PRKCZ: variants seen among roughly 807,000 people sequenced by gnomAD.
PRKCZ encodes the protein protein kinase C zeta type.
PRKCZ carries 33 observed loss-of-function variants against 79.5 expected under a neutral mutation model. The observed-to-expected ratio is 0.41, with a 90% CI of 0.31 to 0.55. PRKCZ has a LOEUF of 0.55. Ranked by LOEUF, PRKCZ falls within the 20% of genes least tolerant of loss-of-function variation. The pLI, the probability that PRKCZ is intolerant of heterozygous loss-of-function variation, is 0.19. For synonymous variants in PRKCZ, 342 were observed against 320.9 expected (o/e 1.07, Z -0.70); for missense variants, 578 against 813.5 (o/e 0.71, Z 3.52).
At chr1:2,144,461 C>T (rs1288188795) in intron 6 of PRKCZ, 120 bp downstream of exon 6, 3 of 1,478,706 alleles carry the variant, frequency 2.0e-6, no homozygotes, top group Non-Finnish European at 2.7e-6. Flanking sequence ...GTGGTGCCGT[C>T]CTAGCTCTGG....
intron 4 of PRKCZ, among the ~76,000 whole-genome samples, chr1:2,119,220 T>C (rs1571535494): frequency 6.7e-6 from 1 of 148,374 alleles, no homozygotes; most frequent in Non-Finnish European, 1.5e-5. Flanking sequence ...TTCCTTTTTT[T>C]TTTTTTTTTT....
rs570209860 is a variant in PRKCZ, at chr1:2,135,609, A to ATCAGGGC, written c.420+273_420+279dup. On this transcript the variant is annotated intron_variant, in intron 5 of 17. Transcript: ENST00000378567. ...GTGTCTGCCTGGCTGTGTGACTCTT[A>ATCAGGGC]TCAGGGCTCAGGGCTCACTGGCCTG... is the stretch of plus-strand genomic sequence containing the variant. 1.6e-4 allele frequency among the ~76,000 whole-genome samples: 25 copies of ATCAGGGC among 152,326 alleles called. 1 individual carries two copies. In the South Asian group the frequency reaches 4.3e-3, roughly 26 times the overall value.
In PRKCZ at chr1:2,090,575, G is replaced by A. The variant is rs539545920; in HGVS notation, c.334+30984G>A. 2.0e-5 allele frequency among the ~76,000 whole-genome samples: 3 copies of A among 152,306 alleles called. No homozygotes were observed. The South Asian group carries it at 6.2e-4, about 32-fold the overall frequency. Reference sequence around the variant, plus strand: ...GTCCCTGGGGTCAGAGCCCACCCTGGGCTGGTTTTGAAGAAACACCAGTGC... The same window carrying A: ...GTCCCTGGGGTCAGAGCCCACCCTGAGCTGGTTTTGAAGAAACACCAGTGC... On this transcript the variant is annotated intron_variant, in intron 4 of 17. Transcript: ENST00000378567.
rs556307341 is a variant in PRKCZ, at chr1:2,082,899, G to A, written c.334+23308G>A. 6.6e-6 allele frequency among the ~76,000 whole-genome samples: 1 copy of A among 151,008 alleles called. No homozygotes were observed. Among genetic ancestry groups the A allele is most frequent in the East Asian group, 2.0e-4 (1 of 5,108 alleles). ...GAGGGTGCAAGGGAGAGGGTGGAGA[G>A]GGTGGCAGTGAGGGCGCGAGAGGGT... On this transcript the variant is annotated intron_variant, in intron 4 of 17. Transcript: ENST00000378567. This position sits in a 1 kb window ranked among gnomAD's most constrained non-coding sequence, Gnocchi z 4.4.
At chr1:2,055,310 GT>G in intron 1 of PRKCZ, 130 bp from the exon 2 acceptor site, 2 of 1,120,018 alleles carry the variant, frequency 1.8e-6, no homozygotes, top group Non-Finnish European at 2.5e-6. Context: ...GGGGGAGGGG[GT>G]GGGGCTGTCA....
At chr1:2,090,980 A>AT (rs1665397184) in intron 4 of PRKCZ, among the ~76,000 whole-genome samples, 1 of 152,232 alleles carries the variant, frequency 6.6e-6, no homozygotes, top group Admixed American at 6.5e-5. Flanking sequence ...CACATGTACC[A>AT]TCATATAGAT....
At chr1:2,129,398 G>C (rs572865502) in intron 4 of PRKCZ, among the ~76,000 whole-genome samples, 174 of 152,310 alleles carry the variant, frequency 1.1e-3, no homozygotes, top group South Asian at 5.0e-3. Flanking sequence ...CAGAAAGCAC[G>C]GTCAGAAAGT....
chr1:2,066,018 G>A (rs1236889375), intron 4 of PRKCZ, among the ~76,000 whole-genome samples: 2 of 152,160 alleles, frequency 1.3e-5, no homozygotes, highest in African/African-American at 2.4e-5. Flanking sequence ...TGCTCTTGGT[G>A]TGTAATTTTC....
At chr1:2,129,263 G>A (rs1674511731) in intron 4 of PRKCZ, among the ~76,000 whole-genome samples, 1 of 152,212 alleles carries the variant, frequency 6.6e-6, no homozygotes, top group Admixed American at 6.5e-5. Context: ...TTTCAAGGCA[G>A]GTGCTCCTTT....
rs138868142 is a variant in PRKCZ, at chr1:2,068,798, G to T, written c.334+9207G>T. Reference sequence around the variant, plus strand: ...CCCCGCCCCGTGAGAGGTTCGTGCTGCCAGTGGCGCTGGTCATTGGGACCA... The same window carrying T: ...CCCCGCCCCGTGAGAGGTTCGTGCTTCCAGTGGCGCTGGTCATTGGGACCA... On this transcript the variant is annotated intron_variant, in intron 4 of 17. Coordinates refer to ENST00000378567, the MANE Select transcript of PRKCZ (RefSeq NM_002744.6). Among the ~76,000 whole-genome samples, 20 of 152,326 alleles carry T rather than the reference G, an allele frequency of 1.3e-4. 1 individual carries two copies. In the East Asian group the frequency reaches 3.9e-3, roughly 29 times the overall value.
chr1:2,057,021 C>T (rs1165638053), intron 3 of PRKCZ, among the ~76,000 whole-genome samples: 1 of 152,184 alleles, frequency 6.6e-6, no homozygotes, highest in African/African-American at 2.4e-5. Flanking sequence ...AGCCACCGCG[C>T]CCGGCCTTTT....
At chr1:2,130,636 G>A (rs952996194) in intron 4 of PRKCZ, among the ~76,000 whole-genome samples, 11 of 152,134 alleles carry the variant, frequency 7.2e-5, no homozygotes, top group Admixed American at 2.6e-4. Flanking sequence ...AGCCACAGCC[G>A]CAGCACTGCT....
chr1:2,120,042 C>T (rs1384867284), intron 4 of PRKCZ, among the ~76,000 whole-genome samples: 1 of 152,094 alleles, frequency 6.6e-6, no homozygotes, highest in Non-Finnish European at 1.5e-5. Context: ...GGGGGTTTCC[C>T]CCAACAGGTT....
intron 1 of PRKCZ, among the ~76,000 whole-genome samples, chr1:2,052,851 T>C (rs1402446292): frequency 1.3e-5 from 2 of 152,062 alleles, no homozygotes; most frequent in Admixed American, 1.3e-4. Context: ...GACTAGTCTT[T>C]AGAAAAAGGA....
intron 5 of PRKCZ, among the ~76,000 whole-genome samples, chr1:2,140,651 C>T (rs1003200263): frequency 3.4e-5 from 5 of 148,174 alleles, no homozygotes; most frequent in Non-Finnish European, 7.4e-5. Context: ...AGTGAGACTC[C>T]GTCTCAAAAA....
chr1:2,121,723 C>T lies in PRKCZ; in HGVS notation c.335-13539C>T, dbSNP rs796465685. ...AGGGTCACGGTGGTAGTTAGGGTCA[C>T]GGCGGTACTTAGGGTCACGGCGGTG... On this transcript the variant is annotated intron_variant, in intron 4 of 17. Coordinates refer to ENST00000378567, the MANE Select transcript of PRKCZ (RefSeq NM_002744.6). Among the ~76,000 whole-genome samples, 53 of 6,784 alleles carry T rather than the reference C, an allele frequency of 7.8e-3. 1 individual carries two copies. The highest frequency in any genetic ancestry group is 0.022 in the African/African-American group (40 of 1,820). The allele number at this position is 6,784 out of a possible 152,430, so 4.5% of individuals were successfully genotyped here.
intron 4 of PRKCZ, among the ~76,000 whole-genome samples, chr1:2,124,998 A>C (rs867329451): frequency 6.6e-6 from 1 of 152,020 alleles, no homozygotes; most frequent in South Asian, 2.1e-4. Context: ...GTTCTGAGTT[A>C]TTGTGACTCA....
In PRKCZ at chr1:2,124,335, T is replaced by TGGTGGTTAGGGTCACGGC. The variant is rs1557627731; in HGVS notation, c.335-10906_335-10889dup. Among the ~76,000 whole-genome samples the TGGTGGTTAGGGTCACGGC allele has an allele frequency of 5.4e-5, 3 of 55,170 alleles. 1 individual carries two copies. Among genetic ancestry groups the TGGTGGTTAGGGTCACGGC allele is most frequent in the Non-Finnish European group, 1.3e-4 (3 of 22,528 alleles). 36.2% of individuals were successfully genotyped at this position (55,170 alleles called of 152,430 possible). On this transcript the variant is annotated intron_variant, in intron 4 of 17. Transcript: ENST00000378567. The stretch of plus-strand genomic sequence containing the variant: ...GTCACGGTGGTGGTTAGGGTCACGG[T>TGGTGGTTAGGGTCACGGC]GGTGGTTAGGGTCACGGCGGTGGTT...
At chr1:2,050,726 C>G in intron 1 of PRKCZ, 25 bp downstream of exon 1, 13 of 746,922 alleles carry the variant, frequency 1.7e-5, no homozygotes, top group Non-Finnish European at 2.3e-5. Flanking sequence ...GGGCGGGGAG[C>G]GGCGCGGGTG....
Sources: gnomAD v4.1 joint callset for allele counts (sites outside exome capture counted in the v4.1 genomes callset) on GRCh38, gnomAD v4.1.1 for gene constraint, Gnocchi (gnomAD v3.1) non-coding constraint, MANE v1.5 for transcripts, NCBI Gene and HGNC (gene_info 2026-07-23, HGNC 2026-07-21) for gene names.